The following SCRN1 variants were observed in gnomAD, a reference collection of about 807,000 sequenced individuals.
The protein encoded by SCRN1 is secernin 1, also known as secernin-1.
SCRN1 carries 19 observed loss-of-function variants against 43.3 expected under a neutral mutation model. The observed-to-expected ratio is 0.44, with a 90% CI of 0.31 to 0.64. The LOEUF (loss-of-function observed/expected upper bound fraction) is 0.64. Ranked by LOEUF, SCRN1 falls within the 30% of genes least tolerant of loss-of-function variation. The pLI is 0.09. For missense variants in SCRN1, 447 were observed against 524.1 expected (o/e 0.85, Z 1.44); for synonymous variants, 183 against 188.9 (o/e 0.97, Z 0.26).
intron 1 of SCRN1, among the ~76,000 whole-genome samples, chr7:29,974,599 G>GA (rs912407222): frequency 5.4e-5 from 8 of 147,588 alleles, no homozygotes; most frequent in Admixed American, 2.7e-4. Flanking sequence ...ACACTAAAAT[G>GA]AAAAAAAACT....
intron 1 of SCRN1, among the ~76,000 whole-genome samples, chr7:29,984,000 G>T (rs1789071782): frequency 6.6e-6 from 1 of 152,078 alleles, no homozygotes; most frequent in Non-Finnish European, 1.5e-5. Context: ...GAGGCCACGA[G>T]TTCAAAAGTA....
At position 29,940,855 on chromosome 7, in the gene SCRN1, C is replaced by A. The variant is rs35960711; in HGVS notation, c.566G>T (p.Ser189Ile). ...KVTEGVRCIC[S>I]QLSLTTKMDA... Reference sequence around the variant, plus strand: ...CATCTTAGTGGTGAGCGAAAGCTGACTGCAAATGCACCTCACTCCCTCTGC... The same window carrying A: ...CATCTTAGTGGTGAGCGAAAGCTGAATGCAAATGCACCTCACTCCCTCTGC... Residue 189 changes from serine to isoleucine, a missense_variant, in exon 5 of 8, where the codon AGT (serine) becomes ATT (isoleucine). Transcript: ENST00000242059. The A allele has an allele frequency of 4.5e-6, 7 of 1,552,558 alleles. No homozygotes were observed. In the African/African-American group the frequency reaches 9.8e-5, roughly 22 times the overall value.
At chr7:29,976,481 A>C (rs1207271684) in intron 1 of SCRN1, among the ~76,000 whole-genome samples, 2 of 152,320 alleles carry the variant, frequency 1.3e-5, no homozygotes, top group Middle Eastern at 6.8e-3. Context: ...TGCAAGATGA[A>C]AAGGCTCTGG....
chr7:29,920,451 G>C lies in SCRN1; in HGVS notation c.*3506C>G, dbSNP rs1363259062. 1 of 152,210 alleles carries C rather than the reference G, an allele frequency of 6.6e-6. No individual in the cohort carries two copies. The allele number at this position is 152,210 out of a possible 1,614,324, so 9.4% of individuals were successfully genotyped here. A position where few individuals can be genotyped will look rare whatever the true frequency, so the allele number is the denominator to read the frequency against. The stretch of plus-strand genomic sequence containing the variant: ...ACCATAAGAGGGGAGCTGGGACCTG[G>C]GACTGTGCAGAATGAAAAGCCACGG... On this transcript the variant is annotated 3_prime_UTR_variant, in exon 8 of 8. Coordinates refer to ENST00000242059, the MANE Select transcript of SCRN1 (RefSeq NM_014766.5).
chr7:29,983,681 T>C (rs1470404587), intron 1 of SCRN1, among the ~76,000 whole-genome samples: 2 of 152,154 alleles, frequency 1.3e-5, no homozygotes, highest in African/African-American at 2.4e-5. Flanking sequence ...TTAGCCAAGT[T>C]TCAGAAATGA....
In SCRN1 at chr7:29,944,148, C is replaced by T; in HGVS notation, c.373G>A (p.Glu125Lys). 2 of 1,614,218 alleles carry T rather than the reference C, an allele frequency of 1.2e-6. No homozygotes were observed. Among genetic ancestry groups the T allele is most frequent in the South Asian group, 1.1e-5 (1 of 91,086 alleles). ...AAGGAGACAATGACATCTAAGGCTTCTTTAGCTGTTTCCCCTCTTTCTAAA... is the reference window on the plus strand; with the variant it reads ...AAGGAGACAATGACATCTAAGGCTTTTTTAGCTGTTTCCCCTCTTTCTAAA... ...LGLERGETAKEALDVIVSLLE... is the reference protein window; with the variant it reads ...LGLERGETAKKALDVIVSLLE... The change falls in exon 4 of 8, where the codon GAA (glutamate) becomes AAA (lysine). Residue 125 changes from glutamate to lysine, a missense_variant. By Grantham distance (56) the Glu-to-Lys change is moderately conservative. Transcript: ENST00000242059.
chr7:29,953,071 AT>A (rs1403789977), intron 3 of SCRN1, among the ~76,000 whole-genome samples: 2 of 152,238 alleles, frequency 1.3e-5, no homozygotes, highest in African/African-American at 2.4e-5. Flanking sequence ...TTCAGGTCAA[AT>A]GAACCTGCCC....
intron 4 of SCRN1, among the ~76,000 whole-genome samples, chr7:29,943,769 G>C (rs1216465722): frequency 1.3e-5 from 2 of 152,196 alleles, no homozygotes; most frequent in East Asian, 3.8e-4. Flanking sequence ...GAAATGTTAA[G>C]AGACTGCTTC....
At position 29,923,800 on chromosome 7, in the gene SCRN1, T is replaced by G; in HGVS notation, c.*157A>C. ...CATTGCAGAAGGGGACGCTGTGAGA[T>G]TCAAGGTGGAACACAAGGTAACAGT... On this transcript the variant is annotated 3_prime_UTR_variant, in exon 8 of 8. Transcript: ENST00000242059. The G allele has an allele frequency of 1.3e-6, 1 of 778,328 alleles. No homozygotes were observed. Among genetic ancestry groups the G allele is most frequent in the South Asian group, 1.7e-5 (1 of 58,028 alleles). The allele number at this position is 778,328 out of a possible 1,614,324, so 48.2% of individuals were successfully genotyped here.
chr7:29,969,021 C>T lies in SCRN1; in HGVS notation c.47G>A (p.Arg16His), dbSNP rs748086815. 9.3e-5 allele frequency: 150 copies of T among 1,613,970 alleles called. No homozygotes were observed. The East Asian group carries it at 1.2e-3, about 13-fold the overall frequency. The change falls in exon 2 of 8, where the codon CGT becomes CAT. Residue 16 changes from arginine to histidine, a missense_variant. By Grantham distance (29) the Arg-to-His change is conservative. Transcript: ENST00000242059. ...AAATACCACCAGACCATCCTTAGCA[C>T]GTGGAGGGAAGGCAACAAAACAGTA... is the stretch of plus-strand genomic sequence containing the variant. ...PSYCFVAFPPRAKDGLVVFGK... is the reference protein window; with the variant it reads ...PSYCFVAFPPHAKDGLVVFGK...
rs146290912 is a variant in SCRN1 at position 29,931,629 on chromosome 7, T to C, written c.905+4927A>G. On this transcript the variant is annotated intron_variant, in intron 6 of 7. Coordinates refer to ENST00000242059, the MANE Select transcript of SCRN1 (RefSeq NM_014766.5). ...ATGCTTTAGAATTTAGAATTTAATATCACTGGCTAGCCAACAGTGTTGTCC... is the reference window on the plus strand; with the variant it reads ...ATGCTTTAGAATTTAGAATTTAATACCACTGGCTAGCCAACAGTGTTGTCC... Among the ~76,000 whole-genome samples the C allele has an allele frequency of 3.9e-5, 6 of 152,342 alleles. No individual in the cohort carries two copies. In the East Asian group the frequency reaches 1.2e-3, roughly 29 times the overall value.
At chr7:29,952,944 G>GATA (rs1181693057) in intron 3 of SCRN1, among the ~76,000 whole-genome samples, 1 of 152,154 alleles carries the variant, frequency 6.6e-6, no homozygotes, top group Non-Finnish European at 1.5e-5. Context: ...TGGAGTTAAC[G>GATA]TTATATGGTG....
At chr7:29,983,884 T>A (rs1789068265) in intron 1 of SCRN1, among the ~76,000 whole-genome samples, 1 of 152,162 alleles carries the variant, frequency 6.6e-6, no homozygotes, top group Admixed American at 6.5e-5. Context: ...TAACTGACTA[T>A]AACAGGATGG....
intron 3 of SCRN1, among the ~76,000 whole-genome samples, chr7:29,944,786 CA>C (rs1787678669): frequency 6.6e-6 from 1 of 152,046 alleles, no homozygotes; most frequent in African/African-American, 2.4e-5. Context: ...TCTTGGAAGG[CA>C]CCTGTGTGTC....
In SCRN1 at chr7:29,957,990, T is replaced by C. The variant is rs148789496; in HGVS notation, c.160-2630A>G. On this transcript the variant is annotated intron_variant, in intron 2 of 7. Coordinates refer to ENST00000242059, the MANE Select transcript of SCRN1 (RefSeq NM_014766.5). Reference sequence around the variant, plus strand: ...AGATGGTCTTTGCAGGAGTTCAAAATATATGCAGCCAACTTGATGTTTTTC... The same window carrying C: ...AGATGGTCTTTGCAGGAGTTCAAAACATATGCAGCCAACTTGATGTTTTTC... 1.7e-3 allele frequency among the ~76,000 whole-genome samples: 260 copies of C among 152,278 alleles called. 1 individual carries two copies. Among genetic ancestry groups the C allele is most frequent in the African/African-American group, 5.8e-3 (242 of 41,552 alleles).
chr7:29,936,264 G>A (rs891402480), intron 6 of SCRN1, among the ~76,000 whole-genome samples: 1 of 152,144 alleles, frequency 6.6e-6, no homozygotes, highest in African/African-American at 2.4e-5. Flanking sequence ...TAAATATTTG[G>A]TATTAGGTTG....
Position 29,989,694 on chromosome 7 carries a change from G to A in SCRN1, c.-54C>T. On this transcript the variant is annotated 5_prime_UTR_variant, in exon 1 of 8. Coordinates refer to ENST00000242059, the MANE Select transcript of SCRN1 (RefSeq NM_014766.5). ...CTCCGCTCTGCGGTGCTGAGGCTGC[G>A]GCCGCCGAGGGTGCGGGTGCTGCCG... The A allele has an allele frequency of 1.0e-6, 1 of 985,720 alleles. No individual in the cohort carries two copies. Among genetic ancestry groups the A allele is most frequent in the Non-Finnish European group, 1.2e-6 (1 of 830,186 alleles). 61.1% of individuals were successfully genotyped at this position (985,720 alleles called of 1,614,324 possible).
chr7:29,941,353 G>C (rs1325810739), intron 4 of SCRN1, among the ~76,000 whole-genome samples: 1 of 152,012 alleles, frequency 6.6e-6, no homozygotes, highest in Non-Finnish European at 1.5e-5. Context: ...CTTTTCACCT[G>C]GAAAAACACT....
At chr7:29,944,283 A>G in intron 3 of SCRN1, 104 bp from the exon 4 acceptor site, 1 of 884,938 alleles carries the variant, frequency 1.1e-6, no homozygotes, top group Non-Finnish European at 1.8e-6. Context: ...GCATGCCAAC[A>G]TGTGTAAACA....
Sources: allele counts gnomAD v4.1 joint callset (sites outside exome capture counted in the v4.1 genomes callset), GRCh38; gene constraint gnomAD v4.1.1; transcripts MANE v1.5; gene names NCBI Gene and HGNC (gene_info 2026-07-23, HGNC 2026-07-21).